Variants in GMDS observed in about 807,000 individuals in gnomAD.
The protein encoded by GMDS is GDP-mannose 4,6 dehydratase.
Under a neutral mutation model 49.9 loss-of-function variants are expected in GMDS, and 20 were observed. The observed-to-expected ratio is 0.40, with a 90% CI of 0.28 to 0.58. The LOEUF is 0.58. GMDS is among the 20% of genes least tolerant of loss of function. GMDS has a pLI of 0.42. For missense variants in GMDS, 362 were observed against 481.4 expected (o/e 0.75, Z 2.32); for synonymous variants, 177 against 178.6 (o/e 0.99, Z 0.07).
intron 1 of GMDS, among the ~76,000 whole-genome samples, chr6:2,228,319 C>T (rs572623407): frequency 2.6e-5 from 4 of 152,324 alleles, no homozygotes; most frequent in Non-Finnish European, 5.9e-5. Flanking sequence ...TGGGCCTTCA[C>T]GTCCTCCTTT....
intron 7 of GMDS, among the ~76,000 whole-genome samples, chr6:1,884,390 G>T (rs1355499661): frequency 6.6e-6 from 1 of 152,216 alleles, no homozygotes; most frequent in Non-Finnish European, 1.5e-5. Context: ...GTTAACCAGG[G>T]AAAGTCTACA....
At chr6:2,115,302 A>T (rs999060583) in intron 4 of GMDS, among the ~76,000 whole-genome samples, 6 of 152,240 alleles carry the variant, frequency 3.9e-5, no homozygotes, top group Non-Finnish European at 5.9e-5. Context: ...AATGATTTTT[A>T]CCATTCACAA....
intron 1 of GMDS, among the ~76,000 whole-genome samples, chr6:2,200,852 A>G (rs1033599025): frequency 6.9e-6 from 1 of 145,848 alleles, no homozygotes; most frequent in Non-Finnish European, 1.5e-5. Flanking sequence ...TGAGGGCAGC[A>G]TGTTAGCAGA....
chr6:1,790,714 A>G (rs1049461021), intron 7 of GMDS, among the ~76,000 whole-genome samples: 5 of 152,152 alleles, frequency 3.3e-5, no homozygotes, highest in Admixed American at 1.3e-4. Flanking sequence ...ATTTATATCC[A>G]CATGTACCGA....
chr6:1,743,972 T>A (rs1187696281), intron 7 of GMDS, among the ~76,000 whole-genome samples: 5 of 152,186 alleles, frequency 3.3e-5, no homozygotes, highest in African/African-American at 9.6e-5. Context: ...CCAGCAAAAT[T>A]TAAACAAAAC....
At chr6:2,169,958 C>T (rs1410335765) in intron 1 of GMDS, among the ~76,000 whole-genome samples, 2 of 152,184 alleles carry the variant, frequency 1.3e-5, no homozygotes, top group Non-Finnish European at 2.9e-5. Context: ...AATCCCAGCA[C>T]TTTGGGAGGC....
At chr6:2,189,678 A>G (rs192081129) in intron 1 of GMDS, among the ~76,000 whole-genome samples, 24 of 152,360 alleles carry the variant, frequency 1.6e-4, no homozygotes, top group South Asian at 6.2e-4. Flanking sequence ...GGACATTTGC[A>G]GAATGTGAAA....
intron 4 of GMDS, among the ~76,000 whole-genome samples, chr6:2,018,635 T>C (rs1464132652): frequency 6.6e-6 from 1 of 152,188 alleles, no homozygotes; most frequent in African/African-American, 2.4e-5. Context: ...TACCATAATG[T>C]TTTCAAGGTT....
At chr6:2,231,430 A>G (rs1781105714) in intron 1 of GMDS, among the ~76,000 whole-genome samples, 1 of 152,096 alleles carries the variant, frequency 6.6e-6, no homozygotes, top group Admixed American at 6.6e-5. Flanking sequence ...CAGATATGGT[A>G]GAACCCACCC....
chr6:2,062,292 C>T (rs1771229325), intron 4 of GMDS, among the ~76,000 whole-genome samples: 1 of 152,144 alleles, frequency 6.6e-6, no homozygotes, highest in South Asian at 2.1e-4. Context: ...TGTCTCCCTT[C>T]AATAAATAGA....
At chr6:1,717,343 G>T (rs1171287334) in intron 9 of GMDS, among the ~76,000 whole-genome samples, 1 of 152,216 alleles carries the variant, frequency 6.6e-6, no homozygotes, top group Non-Finnish European at 1.5e-5. Flanking sequence ...TTTGCAGACA[G>T]GTTTCCAAGG....
chr6:2,188,915 A>G (rs1778895718), intron 1 of GMDS, among the ~76,000 whole-genome samples: 1 of 152,340 alleles, frequency 6.6e-6, no homozygotes, highest in Admixed American at 6.5e-5. Context: ...AGAACACTCA[A>G]CAGCCCACTA....
At chr6:2,006,415 A>AG (rs1767175930) in intron 4 of GMDS, among the ~76,000 whole-genome samples, 1 of 152,070 alleles carries the variant, frequency 6.6e-6, no homozygotes, top group Non-Finnish European at 1.5e-5. Context: ...ACCACACAGC[A>AG]AGATCCTGTC....
intron 1 of GMDS, among the ~76,000 whole-genome samples, chr6:2,216,508 C>A (rs112043057): frequency 7.2e-5 from 11 of 152,168 alleles, no homozygotes; most frequent in African/African-American, 2.4e-4. Flanking sequence ...TGTGTGAGCA[C>A]GTGTGCACAT....
intron 7 of GMDS, among the ~76,000 whole-genome samples, chr6:1,807,059 T>C (rs533630041): frequency 6.6e-6 from 1 of 152,304 alleles, no homozygotes; most frequent in East Asian, 1.9e-4. Flanking sequence ...AATTTTTTTT[T>C]TGAGACAGGG....
At chr6:1,776,702 C>A (rs1419792312) in intron 7 of GMDS, among the ~76,000 whole-genome samples, 1 of 152,082 alleles carries the variant, frequency 6.6e-6, no homozygotes, top group Admixed American at 6.5e-5. Context: ...GGTCTGTGGG[C>A]ATCACTTGAG....
rs1756797719 is a variant in GMDS at position 1,833,919 on chromosome 6, A to G, written c.772-91333T>C. Among the ~76,000 whole-genome samples the G allele has an allele frequency of 6.6e-6, 1 of 152,232 alleles. No homozygotes were observed. Among genetic ancestry groups the G allele is most frequent in the Admixed American group, 6.5e-5 (1 of 15,286 alleles). ...CTCTCCTTAAAATCACAATGCATAT[A>G]TCGCATCAAATCCATAGAACAACTC... On this transcript the variant is annotated intron_variant, in intron 7 of 10. Coordinates refer to ENST00000380815, the MANE Select transcript of GMDS (RefSeq NM_001500.4). The surrounding 1 kb of genome is among the most constrained non-coding windows in gnomAD (Gnocchi z 4.4).
chr6:1,642,629 C>T (rs979389489), intron 9 of GMDS, among the ~76,000 whole-genome samples: 13 of 152,312 alleles, frequency 8.5e-5, no homozygotes, highest in African/African-American at 3.1e-4. Flanking sequence ...GGTTGGAGAA[C>T]GGGGTTCCAT....
intron 7 of GMDS, among the ~76,000 whole-genome samples, chr6:1,821,940 G>C (rs572251493): frequency 2.0e-5 from 3 of 151,964 alleles, no homozygotes; most frequent in African/African-American, 7.2e-5. Flanking sequence ...TCGTGGTAAC[G>C]TTTGCCAGGG....
Sources: gnomAD v4.1 joint callset for allele counts (sites outside exome capture counted in the v4.1 genomes callset) on GRCh38, gnomAD v4.1.1 for gene constraint, Gnocchi (gnomAD v3.1) non-coding constraint, MANE v1.5 for transcripts, NCBI Gene and HGNC (gene_info 2026-07-23, HGNC 2026-07-21) for gene names.